The following FOXP2 variants were observed in gnomAD, a reference collection of about 807,000 sequenced individuals.
FOXP2 encodes the protein forkhead box P2.
In FOXP2, 12 loss-of-function variants were observed where a neutral mutation model predicts 115.8. The ratio of observed to expected loss-of-function variants is 0.10; its 90% CI spans 0.07 to 0.17. The LOEUF (loss-of-function observed/expected upper bound fraction) is 0.17. FOXP2 is among the 10% of genes least tolerant of loss of function. The pLI is 1.00. For missense variants in FOXP2, 629 were observed against 843.5 expected (o/e 0.75, Z 3.15); for synonymous variants, 328 against 297.7 (o/e 1.10, Z -1.05).
intron 2 of FOXP2, among the ~76,000 whole-genome samples, chr7:114,314,803 T>C (rs935455164): frequency 2.6e-5 from 4 of 152,220 alleles, no homozygotes; most frequent in African/African-American, 9.6e-5. Context: ...TAATGTGTTG[T>C]CTGCCTTATT....
At chr7:114,227,320 G>C (rs909006535) in intron 1 of FOXP2, among the ~76,000 whole-genome samples, 10 of 152,004 alleles carry the variant, frequency 6.6e-5, no homozygotes, top group Admixed American at 2.6e-4. Flanking sequence ...TATCAAATCA[G>C]TCTTTATTTA....
intron 2 of FOXP2, among the ~76,000 whole-genome samples, chr7:114,515,588 G>C (rs964763266): frequency 4.6e-5 from 7 of 151,784 alleles, no homozygotes; most frequent in Middle Eastern, 3.4e-3. Flanking sequence ...TTGTAAATTT[G>C]TTTGAGTTCA....
At chr7:114,288,009 C>G (rs1284620043) in intron 1 of FOXP2, 2 of 445,232 alleles carry the variant, frequency 4.5e-6, no homozygotes, top group Non-Finnish European at 9.0e-6. Context: ...TTATTTGTCT[C>G]TATTAACAGG....
At chr7:114,522,301 G>C (rs1798665220) in intron 2 of FOXP2, among the ~76,000 whole-genome samples, 1 of 152,096 alleles carries the variant, frequency 6.6e-6, no homozygotes, top group Admixed American at 6.6e-5. Flanking sequence ...CAGTGGATGA[G>C]GGAGAAACTT....
rs149522951 is a variant in FOXP2, at chr7:114,122,951, C to T, written c.-247+35113C>T. On this transcript the variant is annotated intron_variant, in intron 1 of 19. Transcript: ENST00000635638. Reference sequence around the variant, plus strand: ...TTTTTCACAGATTTATTTACCTGTTCTTATTCTGCCTTGTTTTGCAGCTGA... The same window carrying T: ...TTTTTCACAGATTTATTTACCTGTTTTTATTCTGCCTTGTTTTGCAGCTGA... Among the ~76,000 whole-genome samples, 425 of 151,914 alleles carry T rather than the reference C, an allele frequency of 2.8e-3. 2 individuals carry two copies. The highest frequency in any genetic ancestry group is 9.8e-3 in the African/African-American group (406 of 41,458).
chr7:114,171,446 G>A (rs1216875219), intron 1 of FOXP2, among the ~76,000 whole-genome samples: 1 of 152,100 alleles, frequency 6.6e-6, no homozygotes, highest in African/African-American at 2.4e-5. Context: ...GGTGTCATGT[G>A]CCTGTAGTCC....
At chr7:114,630,738 T>C (rs1230914046) in intron 5 of FOXP2, 1 of 153,292 alleles carries the variant, frequency 6.5e-6, no homozygotes, top group African/African-American at 2.4e-5. Context: ...AACTACAGAA[T>C]AGAAATTGCT....
chr7:114,310,437 A>T (rs1426714462), intron 2 of FOXP2, among the ~76,000 whole-genome samples: 1 of 152,154 alleles, frequency 6.6e-6, no homozygotes, highest in Non-Finnish European at 1.5e-5. Context: ...CTCAAATGGG[A>T]ATGTCAGGAC....
At chr7:114,400,103 C>T (rs1792850673) in intron 2 of FOXP2, among the ~76,000 whole-genome samples, 1 of 152,030 alleles carries the variant, frequency 6.6e-6, no homozygotes, top group Non-Finnish European at 1.5e-5. Flanking sequence ...CGTGATCCAC[C>T]CGCCTTGGCC....
chr7:114,470,779 A>T (rs1000608379), intron 2 of FOXP2, among the ~76,000 whole-genome samples: 2 of 152,016 alleles, frequency 1.3e-5, no homozygotes, highest in African/African-American at 4.8e-5. Flanking sequence ...TAGACTTCCA[A>T]TTCATCCTAG....
At chr7:114,400,437 A>G (rs1792858911) in intron 2 of FOXP2, among the ~76,000 whole-genome samples, 1 of 152,184 alleles carries the variant, frequency 6.6e-6, no homozygotes, top group Non-Finnish European at 1.5e-5. Context: ...TCCTAATTGT[A>G]AAAGCAATAC....
chr7:114,345,838 A>C (rs560161704), intron 2 of FOXP2, among the ~76,000 whole-genome samples: 12 of 151,908 alleles, frequency 7.9e-5, no homozygotes, highest in South Asian at 2.1e-4. Flanking sequence ...CTGTAGACTT[A>C]TGACAAATGT....
rs376379289 is a variant in FOXP2, at chr7:114,093,358, C to A, written c.-247+5520C>A. ...AACAAATCCTCATGGATCACTCTACCTTTACCATATTTTATTTTTCTTTAT... is the reference window on the plus strand; with the variant it reads ...AACAAATCCTCATGGATCACTCTACATTTACCATATTTTATTTTTCTTTAT... On this transcript the variant is annotated intron_variant, in intron 1 of 19. Coordinates refer to the FOXP2 transcript ENST00000635638. Among the ~76,000 whole-genome samples the A allele has an allele frequency of 2.6e-5, 4 of 152,248 alleles. No homozygotes were observed. In the East Asian group the frequency reaches 7.7e-4, roughly 29 times the overall value.
rs1807050580 is a variant in FOXP2 at position 114,664,382 on chromosome 7, A to G, written c.1949A>G (p.Asp650Gly). The change falls in exon 16 of 17, where the codon GAT (aspartate) becomes GGT (glycine). Residue 650 changes from aspartate (D) to glycine (G), a missense_variant. Transcript: ENST00000350908. ...AVHEDLNGSL[D>G]HIDSNGNSSP... ...CACGAAGACCTCAATGGTTCTCTGG[A>G]TCACATTGACAGCAATGGAAACAGT... 1 of 1,613,520 alleles carries G rather than the reference A, an allele frequency of 6.2e-7. No individual in the cohort carries two copies. The highest frequency in any genetic ancestry group is 1.3e-5 in the African/African-American group (1 of 74,896).
intron 3 of FOXP2, among the ~76,000 whole-genome samples, chr7:114,539,318 C>T (rs926867108): frequency 5.3e-5 from 8 of 151,706 alleles, no homozygotes; most frequent in African/African-American, 1.9e-4. Context: ...AAGAATGAAA[C>T]TGAATATTTC....
intron 1 of FOXP2, among the ~76,000 whole-genome samples, chr7:114,192,912 G>A (rs1562999605): frequency 6.6e-6 from 1 of 152,124 alleles, no homozygotes; most frequent in Non-Finnish European, 1.5e-5. Flanking sequence ...CTGTGTTCAA[G>A]TGATGATGTT....
chr7:114,623,204 T>C (rs1804346669), intron 3 of FOXP2, among the ~76,000 whole-genome samples: 1 of 151,986 alleles, frequency 6.6e-6, no homozygotes, highest in Non-Finnish European at 1.5e-5. Flanking sequence ...AAGTGTAAGA[T>C]ATGCAGTAAC....
chr7:114,153,994 T>C (rs539322899), intron 1 of FOXP2, among the ~76,000 whole-genome samples: 14 of 152,112 alleles, frequency 9.2e-5, no homozygotes, highest in Admixed American at 6.6e-5. Flanking sequence ...CAGTGAACAA[T>C]TGTATTTGTA....
Position 114,292,515 on chromosome 7 carries a change from T to C in FOXP2, c.-11+4406T>C, listed in dbSNP as rs1015944873. On this transcript the variant is annotated intron_variant, in intron 2 of 17. Coordinates refer to the FOXP2 transcript ENST00000634411. ...TACCTTTTCTCTTTACTCTGATATG[T>C]ATACCTTTAACTACATGTTTTACGC... Among the ~76,000 whole-genome samples, 4 of 152,332 alleles carry C rather than the reference T, an allele frequency of 2.6e-5. No homozygotes were observed. In the East Asian group the frequency reaches 7.7e-4, roughly 29 times the overall value.
Sources: gnomAD v4.1 joint callset for allele counts (sites outside exome capture counted in the v4.1 genomes callset) on GRCh38, gnomAD v4.1.1 for gene constraint, MANE v1.5 for transcripts, NCBI Gene and HGNC (gene_info 2026-07-23, HGNC 2026-07-21) for gene names.